The following CEP112 variants were observed in gnomAD, a reference collection of about 807,000 sequenced individuals.
The protein encoded by CEP112 is centrosomal protein of 112 kDa.
In CEP112, 127 loss-of-function variants were observed where a neutral mutation model predicts 153.0. The observed-to-expected ratio is 0.83, with a 90% CI of 0.72 to 0.96. The LOEUF (loss-of-function observed/expected upper bound fraction) is 0.96, where lower values mean the gene tolerates loss of function less well. Ranked by LOEUF, CEP112 falls within the 40% of genes least tolerant of loss-of-function variation. The pLI is 0.00. For synonymous variants in CEP112, 358 were observed against 374.4 expected (o/e 0.96, Z 0.51); for missense variants, 1,089 against 1,101.2 (o/e 0.99, Z 0.16).
chr17:66,101,669 C>A (rs946078407), intron 6 of CEP112, among the ~76,000 whole-genome samples: 6 of 151,708 alleles, frequency 4.0e-5, no homozygotes, highest in Admixed American at 1.3e-4. Flanking sequence ...ATAGCATAAA[C>A]CTAATTGATA....
At chr17:66,143,827 C>A (rs1230709352) in intron 4 of CEP112, among the ~76,000 whole-genome samples, 1 of 152,200 alleles carries the variant, frequency 6.6e-6, no homozygotes, top group African/African-American at 2.4e-5. Flanking sequence ...TGAAGAACCA[C>A]TCCCAAGAAA....
intron 8 of CEP112, among the ~76,000 whole-genome samples, chr17:66,092,484 T>A (rs1269028107): frequency 6.6e-6 from 1 of 151,302 alleles, no homozygotes; most frequent in East Asian, 1.9e-4. Context: ...CTCCTCAAAC[T>A]CTTCCAAAAA....
intron 21 of CEP112, among the ~76,000 whole-genome samples, chr17:65,825,603 C>T (rs1006982712): frequency 2.0e-5 from 3 of 152,052 alleles, no homozygotes; most frequent in Admixed American, 6.6e-5. Flanking sequence ...AAAAAATTCT[C>T]GAGACGGATC....
chr17:65,971,592 C>A (rs931431754), intron 17 of CEP112, among the ~76,000 whole-genome samples: 2 of 149,804 alleles, frequency 1.3e-5, no homozygotes, highest in African/African-American at 5.0e-5. Flanking sequence ...ATATTACATG[C>A]ATGCATATTG....
chr17:65,742,975 C>T, intron 23 of CEP112, 93 bp downstream of exon 23: 1 of 967,294 alleles, frequency 1.0e-6, no homozygotes, highest in African/African-American at 1.7e-5. Flanking sequence ...AAGCCAGATA[C>T]CCGCATTCAT....
chr17:66,028,751 T>C (rs576769181), intron 14 of CEP112, among the ~76,000 whole-genome samples: 1 of 151,972 alleles, frequency 6.6e-6, no homozygotes, highest in South Asian at 2.1e-4. Context: ...AACTTCAAAA[T>C]TTTAATTATA....
chr17:65,929,489 T>A (rs1243953369), intron 18 of CEP112, among the ~76,000 whole-genome samples: 1 of 152,218 alleles, frequency 6.6e-6, no homozygotes, highest in African/African-American at 2.4e-5. Context: ...TACTGAGACC[T>A]TCTAGACCAC....
At chr17:66,172,939 T>C (rs190319341) in intron 4 of CEP112, among the ~76,000 whole-genome samples, 1 of 152,130 alleles carries the variant, frequency 6.6e-6, no homozygotes, top group Admixed American at 6.5e-5. Flanking sequence ...CTGTTTTTTG[T>C]TCACAGATGA....
intron 21 of CEP112, among the ~76,000 whole-genome samples, chr17:65,804,197 T>C (rs1032674636): frequency 2.0e-5 from 3 of 152,208 alleles, no homozygotes; most frequent in African/African-American, 7.2e-5. Flanking sequence ...CCAAAAGACA[T>C]GTTAATTTAA....
At chr17:66,005,652 G>C (rs1266927653) in intron 17 of CEP112, 38 bp downstream of exon 17, 1 of 1,590,612 alleles carries the variant, frequency 6.3e-7, no homozygotes, top group East Asian at 2.3e-5. Context: ...GTTTAATAAA[G>C]GGTAGTTTTA....
chr17:65,680,330 A>G (rs1478943038), intron 24 of CEP112, among the ~76,000 whole-genome samples: 1 of 152,170 alleles, frequency 6.6e-6, no homozygotes, highest in East Asian at 1.9e-4. Context: ...ATACACTGAG[A>G]AAAAGTCACT....
At chr17:65,916,428 CAT>C (rs758125690) in intron 19 of CEP112, among the ~76,000 whole-genome samples, 33 of 152,152 alleles carry the variant, frequency 2.2e-4, no homozygotes, top group East Asian at 3.9e-4. Context: ...ATTCAATAAA[CAT>C]GTGTGAAATA....
At chr17:66,051,364 ATAT>A (rs2066433677) in intron 12 of CEP112, among the ~76,000 whole-genome samples, 4 of 148,982 alleles carry the variant, frequency 2.7e-5, no homozygotes, top group Admixed American at 2.0e-4. Flanking sequence ...ATTATTGTGT[ATAT>A]TAATATAATA....
chr17:66,060,227 A>G (rs144155189), intron 11 of CEP112, among the ~76,000 whole-genome samples: 172 of 152,274 alleles, frequency 1.1e-3, no homozygotes, highest in African/African-American at 4.0e-3. Flanking sequence ...CCAAACCTCA[A>G]TGTCACACAA....
At chr17:66,000,943 A>T (rs1473845323) in intron 17 of CEP112, among the ~76,000 whole-genome samples, 1 of 152,146 alleles carries the variant, frequency 6.6e-6, no homozygotes, top group Non-Finnish European at 1.5e-5. Flanking sequence ...GCTGTGCTGG[A>T]TTTTCTGAAA....
intron 8 of CEP112, among the ~76,000 whole-genome samples, chr17:66,093,274 G>A (rs192086041): frequency 4.1e-4 from 62 of 152,220 alleles, no homozygotes; most frequent in African/African-American, 1.3e-3. Context: ...CCCGTGAGAC[G>A]TAGGCTGCAG....
At chr17:66,159,651 C>A (rs1176677248) in intron 4 of CEP112, among the ~76,000 whole-genome samples, 1 of 152,084 alleles carries the variant, frequency 6.6e-6, no homozygotes, top group Non-Finnish European at 1.5e-5. Context: ...AAATTCAACA[C>A]CCCTTCATGC....
At chr17:65,808,446 G>C (rs1197753655) in intron 21 of CEP112, among the ~76,000 whole-genome samples, 1 of 152,152 alleles carries the variant, frequency 6.6e-6, no homozygotes. Context: ...AAGGACATGA[G>C]ATTTGGGAGG....
At chr17:66,021,348 G>A (rs2064992178) in intron 16 of CEP112, among the ~76,000 whole-genome samples, 1 of 152,154 alleles carries the variant, frequency 6.6e-6, no homozygotes, top group Non-Finnish European at 1.5e-5. Flanking sequence ...AGGTAAGTGT[G>A]GTGTGCAATC....
Sources: allele counts gnomAD v4.1 joint callset (sites outside exome capture counted in the v4.1 genomes callset), GRCh38; gene constraint gnomAD v4.1.1; transcripts MANE v1.5; gene names NCBI Gene and HGNC (gene_info 2026-07-23, HGNC 2026-07-21).